EHD2: variants seen among roughly 807,000 people sequenced by gnomAD.
EHD2 encodes EH domain containing 2.
Under a neutral mutation model 41.0 loss-of-function variants are expected in EHD2, and 27 were observed. That is an observed-to-expected ratio of 0.66 (90% CI 0.49 to 0.91). The LOEUF (loss-of-function observed/expected upper bound fraction) is 0.91, where lower values mean the gene tolerates loss of function less well. Among genes scored for constraint, EHD2 ranks in the 40% least tolerant of loss-of-function variants. The probability of loss-of-function intolerance (pLI) is 0.00; values close to 1 mark genes in which losing one functional copy is unlikely to be tolerated. For synonymous variants in EHD2, 342 were observed against 341.0 expected (o/e 1.00, Z -0.03); for missense variants, 673 against 773.9 (o/e 0.87, Z 1.55).
intron 4 of EHD2, among the ~76,000 whole-genome samples, chr19:47,734,870 T>C (rs573891676): frequency 1.3e-5 from 2 of 151,802 alleles, no homozygotes; most frequent in Admixed American, 1.3e-4. Flanking sequence ...CTGGCCAACA[T>C]GGTGAAAGCC....
Position 47,741,140 on chromosome 19 carries a change from C to T in EHD2, c.1340C>T (p.Thr447Ile), listed in dbSNP as rs1568594909. 3.1e-6 allele frequency: 5 copies of T among 1,612,360 alleles called. No individual in the cohort carries two copies. Among genetic ancestry groups the T allele is most frequent in the Non-Finnish European group, 4.2e-6 (5 of 1,179,996 alleles). The change falls in exon 6 of 6, where the codon ACC (threonine) becomes ATC (isoleucine). Residue 447 changes from threonine to isoleucine, a missense_variant. By Grantham distance (89) the Thr-to-Ile change is moderately conservative. Transcript: ENST00000263277. This position sits in a 1 kb window ranked among gnomAD's most constrained non-coding sequence, Gnocchi z 4.5. ...GSDDEAEWVV[T>I]KDKSKYDEIF... Reference sequence around the variant, plus strand: ...GACGACGAGGCCGAGTGGGTGGTGACCAAGGACAAGTCCAAATACGACGAG... The same window carrying T: ...GACGACGAGGCCGAGTGGGTGGTGATCAAGGACAAGTCCAAATACGACGAG...
intron 4 of EHD2, among the ~76,000 whole-genome samples, chr19:47,728,866 A>G (rs1973780206): frequency 6.6e-6 from 1 of 152,230 alleles, no homozygotes; most frequent in Admixed American, 6.5e-5. Context: ...CACCACACCC[A>G]GCCAATCAGG....
chr19:47,728,095 C>CAAAAA (rs33962779), intron 4 of EHD2, among the ~76,000 whole-genome samples: 8 of 124,716 alleles, frequency 6.4e-5, no homozygotes, highest in African/African-American at 2.0e-4. Flanking sequence ...GACTCTGTCT[C>CAAAAA]AAAATAAAAA....
chr19:47,740,869 C>T lies in EHD2; in HGVS notation c.1081-12C>T, dbSNP rs1966978786. The T allele has an allele frequency of 6.2e-7, 1 of 1,611,086 alleles. No individual in the cohort carries two copies. Among genetic ancestry groups the T allele is most frequent in the East Asian group, 2.2e-5 (1 of 44,838 alleles). On this transcript the variant is annotated splice_polypyrimidine_tract_variant and intron_variant, in intron 5 of 5. Transcript: ENST00000263277. ...CCGCTTGAATTCTGGGTGCCCCTGT[C>T]CCCCACCACAGGAGCTGCTGATGGC...
In EHD2 at chr19:47,719,173, C is replaced by A. The variant is rs1161161789; in HGVS notation, c.502+567C>A. 6.6e-6 allele frequency among the ~76,000 whole-genome samples: 1 copy of A among 151,990 alleles called. No individual in the cohort carries two copies. The highest frequency in any genetic ancestry group is 1.5e-5 in the Non-Finnish European group (1 of 67,996). On this transcript the variant is annotated intron_variant, in intron 3 of 5. Transcript: ENST00000263277. This position sits in a 1 kb window ranked among gnomAD's most constrained non-coding sequence, Gnocchi z 4.1. ...GGCAGGAGCCGCACGTCTGGGCAGGCAGGAAGGATGGGAAGGGAGAGATGA... is the reference window on the plus strand; with the variant it reads ...GGCAGGAGCCGCACGTCTGGGCAGGAAGGAAGGATGGGAAGGGAGAGATGA...
In EHD2 at chr19:47,741,219, G is replaced by T; in HGVS notation, c.1419G>T (p.Lys473Asn). The T allele has an allele frequency of 6.2e-7, 1 of 1,614,158 alleles. No homozygotes were observed. Among genetic ancestry groups the T allele is most frequent in the Non-Finnish European group, 8.5e-7 (1 of 1,180,026 alleles). ...ADGKLSGSKAKTWMVGTKLPN... is the reference protein window; with the variant it reads ...ADGKLSGSKANTWMVGTKLPN... Reference sequence around the variant, plus strand: ...GCAAGCTGAGCGGCTCCAAGGCCAAGACCTGGATGGTGGGGACCAAGCTCC... The same window carrying T: ...GCAAGCTGAGCGGCTCCAAGGCCAATACCTGGATGGTGGGGACCAAGCTCC... Residue 473 changes from lysine (K) to asparagine (N), a missense_variant, in exon 6 of 6, where the codon AAG (lysine) becomes AAT (asparagine). Physicochemically the swap from Lys to Asn is moderately conservative, Grantham distance 94 (BLOSUM62 0). Coordinates refer to ENST00000263277, the MANE Select transcript of EHD2 (RefSeq NM_014601.4). The surrounding 1 kb of genome is among the most constrained non-coding windows in gnomAD (Gnocchi z 4.5).
rs1966987461 is a variant in EHD2 at position 47,741,354 on chromosome 19, AGGCCACG to A, written c.1558_1564del (p.His520CysfsTer122). Reference sequence around the variant, plus strand: ...GCCACCTCATCGAGGCCAAGCTGGAAGGCCACGGGCTGCCCGCCAACCTGCCCCGTCG... The same window carrying A: ...GCCACCTCATCGAGGCCAAGCTGGAAGGCTGCCCGCCAACCTGCCCCGTCG... On this transcript the variant is annotated frameshift_variant, in exon 6 of 6. Coordinates refer to ENST00000263277, the MANE Select transcript of EHD2 (RefSeq NM_014601.4). LOFTEE classifies it high-confidence loss of function. This position sits in a 1 kb window ranked among gnomAD's most constrained non-coding sequence, Gnocchi z 4.5. 6.2e-7 allele frequency: 1 copy of A among 1,610,266 alleles called. No individual in the cohort carries two copies. The highest frequency in any genetic ancestry group is 1.3e-5 in the African/African-American group (1 of 74,916).
chr19:47,728,135 A>G (rs1973771472), intron 4 of EHD2, among the ~76,000 whole-genome samples: 1 of 150,518 alleles, frequency 6.6e-6, no homozygotes, highest in African/African-American at 2.5e-5. Flanking sequence ...ATTACATCTT[A>G]GGCGCTTCAC....
intron 4 of EHD2, among the ~76,000 whole-genome samples, chr19:47,728,671 C>T (rs1374704608): frequency 1.3e-5 from 2 of 151,378 alleles, no homozygotes; most frequent in East Asian, 1.9e-4. Flanking sequence ...CGGGTTCAAG[C>T]GATTCTCCTG....
chr19:47,714,187 C>A (rs1243092924), intron 1 of EHD2, among the ~76,000 whole-genome samples: 1 of 152,126 alleles, frequency 6.6e-6, no homozygotes, highest in Non-Finnish European at 1.5e-5. Flanking sequence ...CACTGGGCAC[C>A]CCTGCAAGCT....
In EHD2 at chr19:47,740,919, G is replaced by T; in HGVS notation, c.1119G>T (p.Ser373=). 9 of 1,613,264 alleles carry T rather than the reference G, an allele frequency of 5.6e-6. No individual in the cohort carries two copies. The highest frequency in any genetic ancestry group is 1.3e-5 in the African/African-American group (1 of 75,058). Residue 373 remains serine, a synonymous_variant, in exon 6 of 6, where the codon TCG becomes TCT. Coordinates refer to ENST00000263277, the MANE Select transcript of EHD2 (RefSeq NM_014601.4). ...CGCACGACTTCACCAAGTTTCACTC[G>T]CTGAAGCCGAAGCTGCTAGAGGCAC... The part of the protein sequence containing the change: ...LMAHDFTKFH[S]LKPKLLEALD...
At chr19:47,728,862 A>G (rs6509339) in intron 4 of EHD2, among the ~76,000 whole-genome samples, 77,471 of 152,002 alleles carry the variant, frequency 0.51, 23,313 homozygotes, top group African/African-American at 0.85. Context: ...AAGCCACCAC[A>G]CCCAGCCAAT....
rs757569293 is a variant in EHD2 at position 47,716,717 on chromosome 19, G to A, written c.105G>A (p.Pro35=). The A allele has an allele frequency of 2.0e-5, 32 of 1,613,130 alleles. No individual in the cohort carries two copies. Among genetic ancestry groups the A allele is most frequent in the African/African-American group, 5.3e-5 (4 of 75,054 alleles). The change falls in exon 2 of 6, where the codon CCG becomes CCA. Residue 35 remains proline (P), a synonymous_variant. Coordinates refer to ENST00000263277, the MANE Select transcript of EHD2 (RefSeq NM_014601.4). ...AGCTGTACCGCACGAAGCTGCTGCC[G>A]CTGGAGGAGCACTACCGCTTTGGGG... ...LKELYRTKLL[P]LEEHYRFGAF...
intron 2 of EHD2, among the ~76,000 whole-genome samples, chr19:47,717,571 A>G (rs1223998311): frequency 1.3e-5 from 2 of 152,198 alleles, no homozygotes; most frequent in Non-Finnish European, 2.9e-5. Context: ...AAATGACTTG[A>G]CCTCTCTGCC....
chr19:47,725,609 G>T (rs1973742567), intron 3 of EHD2, among the ~76,000 whole-genome samples: 1 of 152,180 alleles, frequency 6.6e-6, no homozygotes, highest in Admixed American at 6.5e-5. Flanking sequence ...AGAGCGAGGG[G>T]GGAAATTCTG....
intron 1 of EHD2, among the ~76,000 whole-genome samples, chr19:47,714,431 C>CT (rs1251866701): frequency 6.6e-6 from 1 of 151,950 alleles, no homozygotes; most frequent in Non-Finnish European, 1.5e-5. Context: ...TTTTGTTTTT[C>CT]TTTTTTAAAA....
intron 3 of EHD2, among the ~76,000 whole-genome samples, chr19:47,720,682 T>C (rs1252800818): frequency 6.6e-6 from 1 of 152,166 alleles, no homozygotes; most frequent in Non-Finnish European, 1.5e-5. Context: ...TGCCTGTGTG[T>C]GAGATGGTCT....
chr19:47,726,256 T>C lies in EHD2; in HGVS notation c.915+32T>C, dbSNP rs115081761. 2.1e-3 allele frequency: 2,997 copies of C among 1,456,194 alleles called. 58 individuals are homozygous for C. The African/African-American group carries it at 0.039, about 19-fold the overall frequency. The allele number at this position is 1,456,194 out of a possible 1,614,324, so 90.2% of individuals were successfully genotyped here. A position where few individuals can be genotyped will look rare whatever the true frequency, so the allele number is the denominator to read the frequency against. On this transcript the variant is annotated intron_variant, in intron 4 of 5. Transcript: ENST00000263277. Reference sequence around the variant, plus strand: ...AGTCCTGAGGGCTGGGCGCGCATTCTTGGAGGAGGTTTCCTCGGTCCTCTC... The same window carrying C: ...AGTCCTGAGGGCTGGGCGCGCATTCCTGGAGGAGGTTTCCTCGGTCCTCTC...
Position 47,731,273 on chromosome 19 carries a change from A to AT in EHD2, c.915+5049_915+5050insT, listed in dbSNP as rs1219980161. On this transcript the variant is annotated intron_variant, in intron 4 of 5. Transcript: ENST00000263277. ...GTCTAAATTTGTGATTCTTTAAAAAAAAAAAAATATATATATATATATATA... is the reference window on the plus strand; with the variant it reads ...GTCTAAATTTGTGATTCTTTAAAAAATAAAAAAATATATATATATATATATA... 200 of 26,636 alleles carry AT rather than the reference A, an allele frequency of 7.5e-3. 4 individuals are homozygous for AT. The highest frequency in any genetic ancestry group is 0.018 in the African/African-American group (175 of 9,698). 1.6% of individuals were successfully genotyped at this position (26,636 alleles called of 1,614,324 possible).
Sources: allele counts gnomAD v4.1 joint callset (sites outside exome capture counted in the v4.1 genomes callset), GRCh38; gene constraint gnomAD v4.1.1; non-coding constraint Gnocchi (gnomAD v3.1); transcripts MANE v1.5; gene names NCBI Gene and HGNC (gene_info 2026-07-23, HGNC 2026-07-21).